JADE2: variants seen among roughly 807,000 people sequenced by gnomAD.
JADE2 encodes E3 ubiquitin-protein ligase Jade-2.
A neutral mutation model predicts 85.7 loss-of-function variants in JADE2; 13 were observed. The observed-to-expected ratio is 0.15, with a 90% CI of 0.10 to 0.24. The LOEUF (loss-of-function observed/expected upper bound fraction) is 0.24. Among genes scored for constraint, JADE2 ranks in the 10% least tolerant of loss-of-function variants. JADE2 has a pLI of 1.00. For missense variants in JADE2, 846 were observed against 1,115.9 expected, an observed-to-expected ratio of 0.76 and a Z score of 3.45; for synonymous variants, 440 against 456.1, an observed-to-expected ratio of 0.96 and a Z score of 0.45.
chr5:134,526,147 C>G, intron 1 of JADE2, 136 bp downstream of exon 1: 1 of 985,470 alleles, frequency 1.0e-6, no homozygotes, highest in Non-Finnish European at 1.2e-6. Flanking sequence ...CTGCTGGCTG[C>G]CTGTTCTAGG....
chr5:134,577,983 T>C (rs1764489066), intron 11 of JADE2, among the ~76,000 whole-genome samples: 1 of 152,110 alleles, frequency 6.6e-6, no homozygotes, highest in African/African-American at 2.4e-5. Context: ...CCTGAGGGCA[T>C]TTTCCTCCAG....
chr5:134,543,388 A>C (rs1041192295), intron 3 of JADE2, among the ~76,000 whole-genome samples: 1 of 149,776 alleles, frequency 6.7e-6, no homozygotes, highest in Non-Finnish European at 1.5e-5. Context: ...AACAACTGCC[A>C]TAGGCCCGGT....
At chr5:134,569,225 G>A (rs1047539301) in intron 9 of JADE2, among the ~76,000 whole-genome samples, 1 of 152,110 alleles carries the variant, frequency 6.6e-6, no homozygotes, top group African/African-American at 2.4e-5. Context: ...GAAGAAGGGA[G>A]GCCAGCCCGT....
At chr5:134,535,425 TG>T (rs1761526285) in intron 1 of JADE2, among the ~76,000 whole-genome samples, 1 of 152,198 alleles carries the variant, frequency 6.6e-6, no homozygotes, top group African/African-American at 2.4e-5. Flanking sequence ...ATGGTCCTCC[TG>T]GAAGAATCAG....
chr5:134,573,896 A>C, intron 10 of JADE2, 134 bp downstream of exon 10: 1 of 750,376 alleles, frequency 1.3e-6, no homozygotes, highest in East Asian at 2.5e-5. Flanking sequence ...CCCCACTCCT[A>C]CCCTTCACCA....
Position 134,525,842 on chromosome 5 carries a change from C to A in JADE2, c.-170C>A. On this transcript the variant is annotated 5_prime_UTR_variant, in exon 1 of 12. Coordinates refer to ENST00000681547, the MANE Select transcript of JADE2 (RefSeq NM_001388185.1). ...CCGGCGGGGGGCGTGGGGCCTGGGA[C>A]GCCGCGGGCCCGGCCGCCTCCCTCG... 5.0e-6 allele frequency: 5 copies of A among 993,446 alleles called. No homozygotes were observed. The highest frequency in any genetic ancestry group is 6.0e-6 in the Non-Finnish European group (5 of 834,138). The allele number at this position is 993,446 out of a possible 1,614,324, so 61.5% of individuals were successfully genotyped here. A position where few individuals can be genotyped will look rare whatever the true frequency, so the allele number is the denominator to read the frequency against.
chr5:134,525,588 TGCC>T, upstream of JADE2: 1 of 255,642 alleles, frequency 3.9e-6, no homozygotes, highest in Non-Finnish European at 7.5e-6. Context: ...TCGCTCCTCC[TGCC>T]CGCCCCCACC....
At chr5:134,561,369 C>T (rs1198924503) in intron 6 of JADE2, among the ~76,000 whole-genome samples, 1 of 152,242 alleles carries the variant, frequency 6.6e-6, no homozygotes, top group African/African-American at 2.4e-5. Context: ...CTCTCTGGGC[C>T]TGTGTTTTCT....
chr5:134,551,977 C>A, intron 3 of JADE2, 75 bp from the exon 4 acceptor site: 1 of 1,419,866 alleles, frequency 7.0e-7, no homozygotes, highest in Non-Finnish European at 9.9e-7. Context: ...CATGTATCTG[C>A]CTCTTCCTCT....
In JADE2 at chr5:134,582,343, A is replaced by C. The variant is rs1164616602; in HGVS notation, c.*3026A>C. 4 of 152,216 alleles carry C rather than the reference A, an allele frequency of 2.6e-5. No homozygotes were observed. Among genetic ancestry groups the C allele is most frequent in the Non-Finnish European group, 5.9e-5 (4 of 68,052 alleles). The allele number at this position is 152,216 out of a possible 1,614,324, so 9.4% of individuals were successfully genotyped here. ...TGGAGAAGCCACCCCAGGTTTCCAGACATAGATGTTGAATTGTTTGTGGGG... is the reference window on the plus strand; with the variant it reads ...TGGAGAAGCCACCCCAGGTTTCCAGCCATAGATGTTGAATTGTTTGTGGGG... On this transcript the variant is annotated 3_prime_UTR_variant, in exon 12 of 12. Coordinates refer to ENST00000681547, the MANE Select transcript of JADE2 (RefSeq NM_001388185.1).
chr5:134,526,742 G>T, intron 1 of JADE2: 5 of 985,510 alleles, frequency 5.1e-6, no homozygotes, highest in Non-Finnish European at 6.0e-6. Flanking sequence ...TGGAGGGGCG[G>T]GGGACACCCT....
In JADE2 at chr5:134,578,295, G is replaced by A. The variant is rs1764508658; in HGVS notation, c.1682-199G>A. Among the ~76,000 whole-genome samples the A allele has an allele frequency of 1.3e-5, 2 of 152,216 alleles. No homozygotes were observed. The highest frequency in any genetic ancestry group is 4.1e-4 in the South Asian group (2 of 4,834). ...ATCTTGAGGGCAGCACGTCCTTCTG[G>A]AGAGAAGCGTATAAGTAGTCCCTAC... On this transcript the variant is annotated intron_variant, in intron 11 of 11. Transcript: ENST00000681547. The surrounding 1 kb of genome is among the most constrained non-coding windows in gnomAD (Gnocchi z 4.4).
intron 1 of JADE2, among the ~76,000 whole-genome samples, chr5:134,527,603 C>T (rs1760937512): frequency 1.3e-5 from 2 of 152,134 alleles, no homozygotes; most frequent in Middle Eastern, 3.4e-3. Flanking sequence ...AGCCTCTTGC[C>T]CTTCCTTCGC....
intron 9 of JADE2, among the ~76,000 whole-genome samples, chr5:134,569,595 G>C (rs1430711573): frequency 6.6e-6 from 1 of 152,230 alleles, no homozygotes; most frequent in Non-Finnish European, 1.5e-5. Flanking sequence ...GGGACTTGCT[G>C]CTTGTGGCTC....
At position 134,566,459 on chromosome 5, in the gene JADE2, A is replaced by G; in HGVS notation, c.1313A>G (p.Asn438Ser). 1.2e-6 allele frequency: 2 copies of G among 1,613,634 alleles called. No individual in the cohort carries two copies. Among genetic ancestry groups the G allele is most frequent in the African/African-American group, 1.3e-5 (1 of 75,024 alleles). Residue 438 changes from asparagine (N) to serine (S), a missense_variant, in exon 9 of 12, where the codon AAT (asparagine) becomes AGT (serine). Transcript: ENST00000681547. The surrounding 1 kb of genome is among the most constrained non-coding windows in gnomAD (Gnocchi z 6.7). The part of the protein sequence containing the change: ...YQYWKLKRKA[N>S]ANQPLLTPKT... Reference sequence around the variant, plus strand: ...TACTGGAAGCTGAAGAGGAAAGCCAATGCCAACCAGCCGCTGCTGACCCCC... The same window carrying G: ...TACTGGAAGCTGAAGAGGAAAGCCAGTGCCAACCAGCCGCTGCTGACCCCC...
At chr5:134,558,883 G>A (rs1302731537) in intron 4 of JADE2, among the ~76,000 whole-genome samples, 1 of 152,216 alleles carries the variant, frequency 6.6e-6, no homozygotes, top group Non-Finnish European at 1.5e-5. Flanking sequence ...GAACACTGGG[G>A]CCCAGAGAAG....
intron 9 of JADE2, among the ~76,000 whole-genome samples, chr5:134,570,370 C>G (rs191233019): frequency 1.1e-3 from 170 of 147,968 alleles, no homozygotes; most frequent in African/African-American, 4.3e-3. Context: ...CTGCAGCTGA[C>G]GAGTCTGTCT....
At chr5:134,529,607 A>T (rs1235503456) in intron 1 of JADE2, among the ~76,000 whole-genome samples, 1 of 152,262 alleles carries the variant, frequency 6.6e-6, no homozygotes, top group African/African-American at 2.4e-5. Context: ...CAAAGCAGGC[A>T]TGTGATAAGC....
intron 3 of JADE2, among the ~76,000 whole-genome samples, chr5:134,550,188 A>G (rs1762518033): frequency 1.3e-5 from 2 of 152,238 alleles, no homozygotes; most frequent in Non-Finnish European, 1.5e-5. Context: ...CTGGCACCCT[A>G]ATTAAATGTT....
Sources: allele counts gnomAD v4.1 joint callset (sites outside exome capture counted in the v4.1 genomes callset), GRCh38; gene constraint gnomAD v4.1.1; non-coding constraint Gnocchi (gnomAD v3.1); transcripts MANE v1.5; gene names NCBI Gene and HGNC (gene_info 2026-07-23, HGNC 2026-07-21).